The following DOCK9 variants were observed in gnomAD, a reference collection of about 807,000 sequenced individuals.
DOCK9 encodes the protein dedicator of cytokinesis 9, also known as dedicator of cytokinesis protein 9.
A neutral mutation model predicts 263.3 loss-of-function variants in DOCK9; 89 were observed. That is an observed-to-expected ratio of 0.34 (90% CI 0.28 to 0.40). DOCK9 has a LOEUF of 0.40. Among genes scored for constraint, DOCK9 ranks in the 10% least tolerant of loss-of-function variants. The pLI is 1.00. For missense variants in DOCK9, 2,140 were observed against 2,603.4 expected (o/e 0.82, Z 3.87); for synonymous variants, 976 against 973.1 (o/e 1.00, Z -0.06).
chr13:99,056,793 G>A (rs902599020), intron 1 of DOCK9, among the ~76,000 whole-genome samples: 1 of 152,124 alleles, frequency 6.6e-6, no homozygotes, highest in African/African-American at 2.4e-5. Flanking sequence ...CTGATGCAAG[G>A]CCCCCCAGGA....
chr13:98,867,250 T>C (rs2094053802), intron 30 of DOCK9, 175 bp downstream of exon 30: 1 of 575,502 alleles, frequency 1.7e-6, no homozygotes, highest in African/African-American at 1.9e-5. Flanking sequence ...TGCTGAAAAG[T>C]AAGTTCCCAT....
intron 1 of DOCK9, among the ~76,000 whole-genome samples, chr13:99,004,792 C>G (rs1311923449): frequency 2.1e-5 from 3 of 143,890 alleles, no homozygotes; most frequent in Admixed American, 6.9e-5. Context: ...TAGACACACA[C>G]ACACACACAC....
intron 1 of DOCK9, among the ~76,000 whole-genome samples, chr13:99,085,106 C>G (rs917960344): frequency 6.6e-6 from 1 of 152,254 alleles, no homozygotes; most frequent in African/African-American, 2.4e-5. Flanking sequence ...CCAATCTCCA[C>G]AAACGTCATT....
chr13:99,007,334 G>A (rs753288849), intron 1 of DOCK9, among the ~76,000 whole-genome samples: 54 of 152,130 alleles, frequency 3.5e-4, no homozygotes, highest in Admixed American at 1.2e-3. Flanking sequence ...GTTGCAGTGA[G>A]TTAAGATTGC....
At chr13:98,868,434 G>GA in intron 27 of DOCK9, 57 bp from the exon 28 acceptor site, 1 of 1,519,240 alleles carries the variant, frequency 6.6e-7, no homozygotes, top group Non-Finnish European at 8.9e-7. Flanking sequence ...CATTTGGGAG[G>GA]AAAAAATATC....
At chr13:98,858,657 T>C (rs1399842212) in intron 33 of DOCK9, 1 of 152,150 alleles carries the variant, frequency 6.6e-6, no homozygotes, top group African/African-American at 2.4e-5. Context: ...ATAACCTGAG[T>C]ATAATAAGCC....
intron 1 of DOCK9, among the ~76,000 whole-genome samples, chr13:99,038,288 CT>C (rs71419743): frequency 9.9e-4 from 85 of 86,230 alleles, no homozygotes; most frequent in African/African-American, 1.3e-3. Context: ...TTATGCCCCC[CT>C]TTTTTTTTTT....
At chr13:98,934,874 C>T (rs1200802303) in intron 2 of DOCK9, among the ~76,000 whole-genome samples, 1 of 152,232 alleles carries the variant, frequency 6.6e-6, no homozygotes, top group Non-Finnish European at 1.5e-5. Flanking sequence ...TCTATCCACA[C>T]CTTACTGGGT....
chr13:98,834,845 A>T (rs1216710806), intron 39 of DOCK9, among the ~76,000 whole-genome samples: 1 of 152,154 alleles, frequency 6.6e-6, no homozygotes, highest in Non-Finnish European at 1.5e-5. Context: ...AAATACCTTG[A>T]TCTTTACTCA....
At chr13:98,980,633 C>T (rs757526432), upstream of DOCK9, among the ~76,000 whole-genome samples, 7 of 152,234 alleles carry the variant, frequency 4.6e-5, no homozygotes, top group Non-Finnish European at 2.9e-5. Flanking sequence ...ATGGTAACTA[C>T]TGTATTGTTG....
chr13:98,926,222 T>C (rs1167000780), intron 3 of DOCK9, among the ~76,000 whole-genome samples: 2 of 152,198 alleles, frequency 1.3e-5, no homozygotes, highest in African/African-American at 4.8e-5. Context: ...AATGGACTAT[T>C]TCAGAGTAAG....
At chr13:98,842,881 A>T (rs1018078608) in intron 38 of DOCK9, among the ~76,000 whole-genome samples, 1 of 152,238 alleles carries the variant, frequency 6.6e-6, no homozygotes, top group Non-Finnish European at 1.5e-5. Context: ...AATAGCTAAG[A>T]CTACTTGGCC....
chr13:98,924,618 G>A (rs1442625791), intron 4 of DOCK9, among the ~76,000 whole-genome samples: 1 of 152,182 alleles, frequency 6.6e-6, no homozygotes, highest in Admixed American at 6.5e-5. Context: ...GCTTGGTGCT[G>A]TTCTCACAGT....
rs1039964030 is a variant in DOCK9, at chr13:98,825,366, G to C, written c.5024-862C>G. Among the ~76,000 whole-genome samples the C allele has an allele frequency of 5.9e-5, 9 of 152,158 alleles. No homozygotes were observed. The highest frequency in any genetic ancestry group is 1.3e-4 in the Non-Finnish European group (9 of 68,032). ...AAACAGAAGTAAAAACTTGAATTGA[G>C]ACTTCTACATTTAGGGAGAAAGAGG... On this transcript the variant is annotated intron_variant, in intron 44 of 52. Transcript: ENST00000682017. This position sits in a 1 kb window ranked among gnomAD's most constrained non-coding sequence, Gnocchi z 4.1.
intron 44 of DOCK9, 112 bp downstream of exon 44, chr13:98,826,718 C>CACAAACA: frequency 2.3e-6 from 2 of 853,686 alleles, no homozygotes; most frequent in Non-Finnish European, 3.7e-6. Flanking sequence ...GAATACACTT[C>CACAAACA]ACAAACACAC....
chr13:98,939,461 C>T (rs762522581), intron 2 of DOCK9, among the ~76,000 whole-genome samples: 9 of 152,140 alleles, frequency 5.9e-5, no homozygotes, highest in Non-Finnish European at 1.3e-4. Flanking sequence ...CATGCTTGTG[C>T]TTATTTTTGT....
At position 98,876,675 on chromosome 13, in the gene DOCK9, C is replaced by A. The variant is rs1481601049; in HGVS notation, c.2943+3223G>T. ...AAGACAAACACAAAAACAACTAATTCAAACAGAAAACTCATTACTCTTAAG... is the reference window on the plus strand; with the variant it reads ...AAGACAAACACAAAAACAACTAATTAAAACAGAAAACTCATTACTCTTAAG... On this transcript the variant is annotated intron_variant, in intron 27 of 52. Transcript: ENST00000682017. 2.6e-5 allele frequency among the ~76,000 whole-genome samples: 4 copies of A among 152,118 alleles called. No homozygotes were observed. In the South Asian group the frequency reaches 8.3e-4, roughly 31 times the overall value.
At chr13:98,858,396 C>T (rs771700633) in intron 33 of DOCK9, 21 of 152,162 alleles carry the variant, frequency 1.4e-4, no homozygotes, top group Non-Finnish European at 2.8e-4. Context: ...GATCCAAAGA[C>T]ATTTAAAAAA....
intron 43 of DOCK9, among the ~76,000 whole-genome samples, chr13:98,828,869 C>T (rs1000544587): frequency 3.9e-5 from 6 of 152,156 alleles, no homozygotes; most frequent in East Asian, 1.9e-4. Flanking sequence ...TATTGAAACA[C>T]GTCAGCTCTG....
Sources: gnomAD v4.1 joint callset for allele counts (sites outside exome capture counted in the v4.1 genomes callset) on GRCh38, gnomAD v4.1.1 for gene constraint, Gnocchi (gnomAD v3.1) non-coding constraint, MANE v1.5 for transcripts, NCBI Gene and HGNC (gene_info 2026-07-23, HGNC 2026-07-21) for gene names.